The following FAM107A variants were observed in gnomAD, a reference collection of about 807,000 sequenced individuals.
FAM107A encodes family with sequence similarity 107 member A, also known as actin-associated protein FAM107A.
A neutral mutation model predicts 13.7 loss-of-function variants in FAM107A; 19 were observed. That is an observed-to-expected ratio of 1.38 (90% CI 0.97 to 2.03). The LOEUF is 2.03. FAM107A is among the 30% of genes most tolerant of loss of function. The pLI, the probability that FAM107A is intolerant of heterozygous loss-of-function variation, is 0.00. For synonymous variants in FAM107A, 82 were observed against 74.5 expected (o/e 1.10, Z -0.52); for missense variants, 203 against 184.4 (o/e 1.10, Z -0.58).
Position 58,606,391 on chromosome 3 carries a change from C to T in FAM107A, c.-69-17122G>A, listed in dbSNP as rs117880173. ...GATTACAGGTGTGAGCCACCATGCC[C>T]GGCCTATGCAGACATCTCTTACAGA... On this transcript the variant is annotated intron_variant, in intron 1 of 3. Coordinates refer to the FAM107A transcript ENST00000465970. Among the ~76,000 whole-genome samples the T allele has an allele frequency of 3.5e-4, 53 of 152,302 alleles. No homozygotes were observed. In the East Asian group the frequency reaches 6.2e-3, roughly 18 times the overall value.
At chr3:58,587,920 A>C (rs2065623927), upstream of FAM107A, among the ~76,000 whole-genome samples, 1 of 152,188 alleles carries the variant, frequency 6.6e-6, no homozygotes, top group African/African-American at 2.4e-5. Flanking sequence ...TAACATTGCA[A>C]ATAAGAAAAA....
chr3:58,626,273 C>T (rs1007192627), intron 1 of FAM107A, among the ~76,000 whole-genome samples: 2 of 152,176 alleles, frequency 1.3e-5, no homozygotes, highest in African/African-American at 4.8e-5. Context: ...CACAAGCTCC[C>T]TCCTACTCCC....
At chr3:58,589,002 T>C (rs970608629), upstream of FAM107A, among the ~76,000 whole-genome samples, 27 of 152,152 alleles carry the variant, frequency 1.8e-4, no homozygotes, top group Non-Finnish European at 1.5e-4. Context: ...CACAAGTGAC[T>C]TGCTCGAGAT....
At chr3:58,584,397 TGATC>T (rs2065581295) in intron 1 of FAM107A, among the ~76,000 whole-genome samples, 1 of 152,056 alleles carries the variant, frequency 6.6e-6, no homozygotes, top group Non-Finnish European at 1.5e-5. Context: ...AGAGATGGGG[TGATC>T]GTTGAGTGCT....
At chr3:58,586,838 G>C (rs2065610984) in intron 1 of FAM107A, 8 of 1,521,954 alleles carry the variant, frequency 5.3e-6, no homozygotes, top group Non-Finnish European at 7.0e-6. Context: ...CGCGGCGAGG[G>C]TGGCGTTGCT....
chr3:58,589,391 T>A (rs2065636647), upstream of FAM107A: 2 of 639,932 alleles, frequency 3.1e-6, no homozygotes, highest in Non-Finnish European at 5.5e-6. Context: ...AGAGTCAAAG[T>A]CCTCTCCAGA....
At chr3:58,593,551 C>A (rs572226309) in intron 1 of FAM107A, among the ~76,000 whole-genome samples, 8 of 152,074 alleles carry the variant, frequency 5.3e-5, no homozygotes, top group Middle Eastern at 3.4e-3. Flanking sequence ...TGGCAAGGTA[C>A]ACTCCAATTC....
At chr3:58,596,952 G>A (rs1338982332) in intron 1 of FAM107A, among the ~76,000 whole-genome samples, 1 of 152,150 alleles carries the variant, frequency 6.6e-6, no homozygotes, top group East Asian at 1.9e-4. Context: ...ATAATAAAAT[G>A]TGCTCATTTT....
Position 58,604,560 on chromosome 3 carries a change from C to T in FAM107A, c.-69-15291G>A, listed in dbSNP as rs547736138. 6.6e-6 allele frequency among the ~76,000 whole-genome samples: 1 copy of T among 152,168 alleles called. No homozygotes were observed. Among genetic ancestry groups the T allele is most frequent in the African/African-American group, 2.4e-5 (1 of 41,428 alleles). On this transcript the variant is annotated intron_variant, in intron 1 of 3. Transcript: ENST00000465970. The surrounding 1 kb of genome is among the most constrained non-coding windows in gnomAD (Gnocchi z 4.1). ...CATTGTTGCACGTGACAGCCTCACC[C>T]ACTCCCTGGGCCCCATAAGATCAAT...
chr3:58,586,423 G>T (rs1021795353), intron 1 of FAM107A, among the ~76,000 whole-genome samples: 3 of 152,122 alleles, frequency 2.0e-5, no homozygotes, highest in African/African-American at 7.2e-5. Context: ...AAGGCAGAAA[G>T]GAGGAAGAAA....
intron 1 of FAM107A, among the ~76,000 whole-genome samples, chr3:58,622,697 T>A (rs1293636043): frequency 2.6e-5 from 4 of 151,872 alleles, no homozygotes; most frequent in Non-Finnish European, 5.9e-5. Flanking sequence ...GGCAGGCAAA[T>A]GGAGTGAGAA....
chr3:58,578,101 A>G (rs2108053497), upstream of FAM107A, among the ~76,000 whole-genome samples: 1 of 152,326 alleles, frequency 6.6e-6, no homozygotes, highest in Non-Finnish European at 1.5e-5. Flanking sequence ...GGGAGATGAC[A>G]TGGATGAGAT....
At chr3:58,577,845 G>T (rs2063743419), upstream of FAM107A, 1 of 403,312 alleles carries the variant, frequency 2.5e-6, no homozygotes, top group Non-Finnish European at 3.4e-6. This position sits in a 1 kb window ranked among gnomAD's most constrained non-coding sequence, Gnocchi z 4.9. Context: ...TCAGCATTGG[G>T]TCAGTTCTTA....
At chr3:58,593,471 C>G (rs987112459) in intron 1 of FAM107A, among the ~76,000 whole-genome samples, 2 of 152,192 alleles carry the variant, frequency 1.3e-5, no homozygotes, top group African/African-American at 4.8e-5. Flanking sequence ...ACCATCATAA[C>G]TGATATCTCC....
At chr3:58,611,649 G>A (rs1042161016) in intron 1 of FAM107A, among the ~76,000 whole-genome samples, 3 of 152,200 alleles carry the variant, frequency 2.0e-5, no homozygotes, top group Admixed American at 6.5e-5. Flanking sequence ...CAAGTGGGTG[G>A]CTCAGAGAGA....
At chr3:58,594,448 G>A (rs78604802) in intron 1 of FAM107A, among the ~76,000 whole-genome samples, 3 of 152,112 alleles carry the variant, frequency 2.0e-5, no homozygotes, top group South Asian at 2.1e-4. Context: ...AGCTGCCCTC[G>A]CTGGATCCGT....
chr3:58,566,402 CCT>C lies in FAM107A; in HGVS notation c.*184_*185del. 5.2e-6 allele frequency: 3 copies of C among 572,346 alleles called. No individual in the cohort carries two copies. The highest frequency in any genetic ancestry group is 9.3e-6 in the Non-Finnish European group (3 of 324,300). The allele number at this position is 572,346 out of a possible 1,614,324, so 35.5% of individuals were successfully genotyped here. A position where few individuals can be genotyped will look rare whatever the true frequency, so the allele number is the denominator to read the frequency against. ...GAGGGCTGGGTGCTTGGAAGGAAAA[CCT>C]AGGAGCTTAGGGGCCCCAGCCTCCC... On this transcript the variant is annotated 3_prime_UTR_variant, in exon 4 of 4. Transcript: ENST00000360997.
chr3:58,578,828 T>TG (rs1262683371), upstream of FAM107A, among the ~76,000 whole-genome samples: 1 of 152,218 alleles, frequency 6.6e-6, no homozygotes, highest in Non-Finnish European at 1.5e-5. Context: ...TAGAAGGTGA[T>TG]GAGGCCTAGG....
chr3:58,583,631 A>G (rs1353362027), intron 1 of FAM107A, among the ~76,000 whole-genome samples: 3 of 152,196 alleles, frequency 2.0e-5, no homozygotes, highest in Non-Finnish European at 2.9e-5. Flanking sequence ...AAAAAAAAAA[A>G]AAATTATTTT....
Sources: allele counts gnomAD v4.1 joint callset (sites outside exome capture counted in the v4.1 genomes callset), GRCh38; gene constraint gnomAD v4.1.1; non-coding constraint Gnocchi (gnomAD v3.1); transcripts MANE v1.5; gene names NCBI Gene and HGNC (gene_info 2026-07-23, HGNC 2026-07-21).